CACNA1A: variants seen among roughly 807,000 people sequenced by gnomAD.
The protein encoded by CACNA1A is voltage-dependent P/Q-type calcium channel subunit alpha-1A.
Under a neutral mutation model 262.4 loss-of-function variants are expected in CACNA1A, and 57 were observed. That is an observed-to-expected ratio of 0.22 (90% CI 0.18 to 0.27). The LOEUF (loss-of-function observed/expected upper bound fraction) is 0.27, where lower values mean the gene tolerates loss of function less well. Among genes scored for constraint, CACNA1A ranks in the 10% least tolerant of loss-of-function variants. The probability of loss-of-function intolerance (pLI) is 1.00; values close to 1 mark genes in which losing one functional copy is unlikely to be tolerated. For synonymous variants in CACNA1A, 1,431 were observed against 1,419.3 expected, an observed-to-expected ratio of 1.01 and a Z score of -0.18; for missense variants, 2,526 against 3,562.8, an observed-to-expected ratio of 0.71 and a Z score of 7.41.
chr19:13,355,928 T>C (rs2059000298), intron 6 of CACNA1A, among the ~76,000 whole-genome samples: 1 of 152,144 alleles, frequency 6.6e-6, no homozygotes, highest in East Asian at 1.9e-4. Context: ...ACCAAAAATG[T>C]CTGCAGCCAC....
intron 3 of CACNA1A, among the ~76,000 whole-genome samples, chr19:13,432,460 A>T (rs1469047106): frequency 1.4e-5 from 2 of 143,440 alleles, no homozygotes; most frequent in African/African-American, 5.3e-5. Context: ...AAAATTAAAA[A>T]TTTCAAAAAA....
chr19:13,332,983 G>C, intron 8 of CACNA1A, 58 bp from the exon 9 acceptor site: 1 of 1,384,866 alleles, frequency 7.2e-7, no homozygotes, highest in South Asian at 1.2e-5. Flanking sequence ...TTCTCCCTTG[G>C]ACCAGGAAGA....
intron 6 of CACNA1A, among the ~76,000 whole-genome samples, chr19:13,354,078 T>A (rs2058962465): frequency 6.6e-6 from 1 of 152,180 alleles, no homozygotes; most frequent in South Asian, 2.1e-4. Context: ...ACCTAATCAT[T>A]GCCTGGCACA....
intron 6 of CACNA1A, among the ~76,000 whole-genome samples, chr19:13,341,011 G>A (rs1040354950): frequency 6.6e-6 from 1 of 152,198 alleles, no homozygotes; most frequent in Non-Finnish European, 1.5e-5. Context: ...GTTTGAGGCT[G>A]TAGTGAGCTA....
At chr19:13,220,586 G>GT (rs1316113218) in intron 38 of CACNA1A, among the ~76,000 whole-genome samples, 4 of 152,136 alleles carry the variant, frequency 2.6e-5, no homozygotes, top group Non-Finnish European at 4.4e-5. Flanking sequence ...TTTCAGCCTC[G>GT]TGAGACCCTC....
rs1568631616 is a variant in CACNA1A at position 13,424,952 on chromosome 19, GCA to G, written c.539+27922_539+27923del. 3.8e-3 allele frequency among the ~76,000 whole-genome samples: 571 copies of G among 151,946 alleles called. 5 individuals carry two copies. Among genetic ancestry groups the G allele is most frequent in the African/African-American group, 0.013 (525 of 41,428 alleles). On this transcript the variant is annotated intron_variant, in intron 3 of 46. Coordinates refer to ENST00000360228, the MANE Select transcript of CACNA1A (RefSeq NM_001127222.2). ...CCCAAGTAGCTGGGATTACAGGCAC[GCA>G]CCACCACACCCAGCTAATTTTTTCT...
rs531646051 is a variant in CACNA1A at position 13,300,497 on chromosome 19, T to C, written c.2279+53A>G. On this transcript the variant is annotated intron_variant, in intron 18 of 46. Transcript: ENST00000360228. ...CTGCTTCCCAAATCTGTGCCTGGGA[T>C]AGTGTGGACGTTCAGGAGCCAGGGT... 1.2e-5 allele frequency: 15 copies of C among 1,247,116 alleles called. No individual in the cohort carries two copies. In the South Asian group the frequency reaches 1.7e-4, roughly 14 times the overall value. The allele number at this position is 1,247,116 out of a possible 1,614,324, so 77.3% of individuals were successfully genotyped here.
At chr19:13,493,572 C>G (rs1981156360) in intron 1 of CACNA1A, among the ~76,000 whole-genome samples, 1 of 152,244 alleles carries the variant, frequency 6.6e-6, no homozygotes, top group Admixed American at 6.5e-5. Flanking sequence ...TGTTCTTTCT[C>G]TGTTCCTTGT....
chr19:13,299,073 C>T lies in CACNA1A; in HGVS notation c.2560G>A (p.Ala854Thr), dbSNP rs769711107. 2.5e-6 allele frequency: 4 copies of T among 1,608,646 alleles called. No individual in the cohort carries two copies. The highest frequency in any genetic ancestry group is 2.2e-5 in the East Asian group (1 of 44,832). ...TVDQRLGQQR[A>T]EDFLRKQARY... ...GCCTGTTTCCTGAGGAAGTCCTCGG[C>T]GCGCTGCTGGCCGAGGCGCTGGTCC... The change falls in exon 19 of 47, where the codon GCC becomes ACC. Residue 854 changes from alanine (A) to threonine (T), a missense_variant. Transcript: ENST00000360228.
rs188035823 is a variant in CACNA1A, at chr19:13,222,459, A to C, written c.5731+2208T>G. Among the ~76,000 whole-genome samples the C allele has an allele frequency of 4.7e-4, 68 of 145,066 alleles. No individual in the cohort carries two copies. In the East Asian group the frequency reaches 0.014, roughly 30 times the overall value. On this transcript the variant is annotated intron_variant, in intron 38 of 46. Transcript: ENST00000360228. ...CACCCAGGCTGGAGTGCAGTGGCAC[A>C]AGCTCGGCTCGCTGCAACCTCTGCC...
intron 19 of CACNA1A, among the ~76,000 whole-genome samples, chr19:13,291,826 G>A (rs2057546184): frequency 6.6e-6 from 1 of 151,568 alleles, no homozygotes; most frequent in East Asian, 1.9e-4. Flanking sequence ...ACCAACTTGG[G>A]CCCATTGGGG....
intron 34 of CACNA1A, among the ~76,000 whole-genome samples, chr19:13,232,646 G>A (rs933558902): frequency 3.3e-5 from 5 of 151,454 alleles, no homozygotes; most frequent in African/African-American, 7.3e-5. Context: ...CAGGAAAATC[G>A]CTTGAACCCA....
intron 3 of CACNA1A, among the ~76,000 whole-genome samples, chr19:13,449,796 G>A (rs576653760): frequency 2.0e-5 from 3 of 152,322 alleles, no homozygotes; most frequent in South Asian, 4.1e-4. Context: ...GGATGGGGGA[G>A]AGAAAGGAAT....
chr19:13,214,251 C>T lies in CACNA1A; in HGVS notation c.5922G>A (p.Gln1974=), dbSNP rs773419069. The part of the protein sequence containing the change: ...YYRQSKAKKL[Q]AMREEQDRTP... ...AGCGCACCTGCTCCTCGCGCATGGCCTGCAGCTTCTTGGCCTTGCTCTGCC... is the reference window on the plus strand; with the variant it reads ...AGCGCACCTGCTCCTCGCGCATGGCTTGCAGCTTCTTGGCCTTGCTCTGCC... Residue 1974 remains glutamine (Q), a synonymous_variant, in exon 40 of 47, where the codon CAG becomes CAA. Coordinates refer to ENST00000360228, the MANE Select transcript of CACNA1A (RefSeq NM_001127222.2). The surrounding 1 kb of genome is among the most constrained non-coding windows in gnomAD (Gnocchi z 4.1). 4.3e-6 allele frequency: 7 copies of T among 1,610,520 alleles called. No individual in the cohort carries two copies. In the Admixed American group the frequency reaches 8.3e-5, roughly 19 times the overall value.
chr19:13,470,262 C>G (rs527564691), intron 1 of CACNA1A, among the ~76,000 whole-genome samples: 1 of 152,254 alleles, frequency 6.6e-6, no homozygotes, highest in Non-Finnish European at 1.5e-5. Context: ...CTGCCACTTC[C>G]TCACTGCACA....
intron 1 of CACNA1A, among the ~76,000 whole-genome samples, chr19:13,484,557 C>T (rs1979748628): frequency 6.6e-6 from 1 of 152,216 alleles, no homozygotes; most frequent in African/African-American, 2.4e-5. Flanking sequence ...CAGCCCAAGG[C>T]ACACTTCCCT....
chr19:13,481,293 C>T (rs982891583), intron 1 of CACNA1A, among the ~76,000 whole-genome samples: 6 of 152,174 alleles, frequency 3.9e-5, no homozygotes, highest in Admixed American at 6.5e-5. Context: ...AATCACGGCT[C>T]TCATGATAGG....
At chr19:13,244,493 T>G (rs1239224250) in intron 31 of CACNA1A, 1 of 152,418 alleles carries the variant, frequency 6.6e-6, no homozygotes, top group East Asian at 1.9e-4. Flanking sequence ...GCAAGGATCT[T>G]CTACCCTCCC....
intron 1 of CACNA1A, among the ~76,000 whole-genome samples, chr19:13,498,674 T>C (rs1981978034): frequency 6.6e-6 from 1 of 152,224 alleles, no homozygotes; most frequent in African/African-American, 2.4e-5. Context: ...TCTCTTGTAT[T>C]AGCTGCCTTA....
Sources: gnomAD v4.1 joint callset for allele counts (sites outside exome capture counted in the v4.1 genomes callset) on GRCh38, gnomAD v4.1.1 for gene constraint, Gnocchi (gnomAD v3.1) non-coding constraint, MANE v1.5 for transcripts, NCBI Gene and HGNC (gene_info 2026-07-23, HGNC 2026-07-21) for gene names.